The following PPARD variants were observed in gnomAD, a reference collection of about 807,000 sequenced individuals.
PPARD encodes the protein peroxisome proliferator-activated receptor delta.
In PPARD, 6 loss-of-function variants were observed where a neutral mutation model predicts 39.5. That is an observed-to-expected ratio of 0.15 (90% CI 0.08 to 0.30). The LOEUF (loss-of-function observed/expected upper bound fraction) is 0.30. PPARD is among the 10% of genes least tolerant of loss of function. The pLI is 1.00. For missense variants in PPARD, 397 were observed against 596.8 expected, an observed-to-expected ratio of 0.67 and a Z score of 3.49; for synonymous variants, 210 against 231.3, an observed-to-expected ratio of 0.91 and a Z score of 0.83.
chr6:35,412,448 A>G lies in PPARD; in HGVS notation c.130+1231A>G, dbSNP rs1457866917. 6.6e-6 allele frequency among the ~76,000 whole-genome samples: 1 copy of G among 152,210 alleles called. No individual in the cohort carries two copies. Among genetic ancestry groups the G allele is most frequent in the Non-Finnish European group, 1.5e-5 (1 of 68,026 alleles). On this transcript the variant is annotated intron_variant, in intron 3 of 7. Transcript: ENST00000360694. The surrounding 1 kb of genome is among the most constrained non-coding windows in gnomAD (Gnocchi z 4.1). ...AGGCAGAGGAGCAAGCCCACCCCGC[A>G]GAAATGGGCTCTGGACCCCTGTGAC...
chr6:35,357,538 C>CTT (rs752463569), intron 2 of PPARD, among the ~76,000 whole-genome samples: 7 of 140,470 alleles, frequency 5.0e-5, no homozygotes, highest in Non-Finnish European at 7.8e-5. Context: ...CCACTGCCTA[C>CTT]TTTTTTTTTT....
chr6:35,385,657 A>AC (rs1248991653), intron 2 of PPARD, among the ~76,000 whole-genome samples: 16 of 138,182 alleles, frequency 1.2e-4, no homozygotes, highest in African/African-American at 1.6e-4. Flanking sequence ...AAAAAAAAAA[A>AC]AAAAAAAAAA....
intron 5 of PPARD, among the ~76,000 whole-genome samples, chr6:35,422,605 G>T (rs1766251884): frequency 1.3e-5 from 2 of 152,142 alleles, no homozygotes; most frequent in Admixed American, 6.5e-5. Context: ...ATCTCTACAG[G>T]CAGGTTAGCT....
rs199525679 is a variant in PPARD, at chr6:35,420,084, G to A, written c.131-43G>A. Reference sequence around the variant, plus strand: ...GCTGTTCCCACGCCCTGGCTTCCAGGCCTGGCAGCATGTGGAGCTGCCCCT... The same window carrying A: ...GCTGTTCCCACGCCCTGGCTTCCAGACCTGGCAGCATGTGGAGCTGCCCCT... On this transcript the variant is annotated intron_variant, in intron 3 of 7. Transcript: ENST00000360694. 1.3e-4 allele frequency: 209 copies of A among 1,597,486 alleles called. 4 individuals are homozygous for A. In the South Asian group the frequency reaches 2.2e-3, roughly 17 times the overall value.
At chr6:35,392,212 TCTC>T (rs1198523678) in intron 2 of PPARD, among the ~76,000 whole-genome samples, 2 of 149,632 alleles carry the variant, frequency 1.3e-5, no homozygotes, top group Non-Finnish European at 3.0e-5. Flanking sequence ...CACCAGCAGC[TCTC>T]CTCTGTAACG....
chr6:35,411,993 G>A (rs9296151), intron 3 of PPARD, among the ~76,000 whole-genome samples: 12,954 of 152,154 alleles, frequency 0.085, 928 homozygotes, highest in African/African-American at 0.19. Context: ...CAGTGGCACA[G>A]TCTCAGCTCA....
In PPARD at chr6:35,365,130, C is replaced by CTTTTTTTTTTTTT. The variant is rs551946022; in HGVS notation, c.-102+17988_-102+18000dup. Among the ~76,000 whole-genome samples, 17 of 121,076 alleles carry CTTTTTTTTTTTTT rather than the reference C, an allele frequency of 1.4e-4. 1 individual carries two copies. The highest frequency in any genetic ancestry group is 5.3e-4 in the South Asian group (2 of 3,748). 79.4% of individuals were successfully genotyped at this position (121,076 alleles called of 152,430 possible). Reference sequence around the variant, plus strand: ...ACCAGACATGTAGAGCTTCCTTATTCTTTTTTTTTTTTTTTTTTTTGAGAT... The same window carrying CTTTTTTTTTTTTT: ...ACCAGACATGTAGAGCTTCCTTATTCTTTTTTTTTTTTTTTTTTTTTTTTTTTTTTTTTGAGAT... On this transcript the variant is annotated intron_variant, in intron 2 of 7. Transcript: ENST00000360694.
At chr6:35,369,018 A>C (rs922824917) in intron 2 of PPARD, among the ~76,000 whole-genome samples, 4 of 152,234 alleles carry the variant, frequency 2.6e-5, no homozygotes, top group African/African-American at 9.6e-5. Context: ...GGACCTTTCT[A>C]GTCTTGTGCC....
chr6:35,344,510 C>G (rs1207713556), intron 1 of PPARD, among the ~76,000 whole-genome samples: 1 of 151,986 alleles, frequency 6.6e-6, no homozygotes, highest in Non-Finnish European at 1.5e-5. Flanking sequence ...TCAGTTTGAG[C>G]TCCTTTATTT....
intron 2 of PPARD, among the ~76,000 whole-genome samples, chr6:35,386,689 TA>T (rs1374371434): frequency 6.6e-6 from 1 of 152,080 alleles, no homozygotes; most frequent in Admixed American, 6.5e-5. Context: ...AGTTTGTTGA[TA>T]ACCCTGAAGA....
intron 3 of PPARD, among the ~76,000 whole-genome samples, chr6:35,413,843 C>A (rs192310640): frequency 5.3e-4 from 81 of 152,156 alleles, no homozygotes; most frequent in African/African-American, 1.9e-3. Context: ...ACCACCGTGC[C>A]TGGCTAATTT....
rs9296152 is a variant in PPARD, at chr6:35,412,196, G to T, written c.130+979G>T. Among the ~76,000 whole-genome samples the T allele has an allele frequency of 0.072, 10,966 of 152,174 alleles. 800 individuals are homozygous for T. Among genetic ancestry groups the T allele is most frequent in the African/African-American group, 0.18 (7,415 of 41,474 alleles). ...TCCACCCACCTCAGCCTCCCAAAGT[G>T]CTGGGATTACAAGCAGGAGCCACCG... On this transcript the variant is annotated intron_variant, in intron 3 of 7. Coordinates refer to ENST00000360694, the MANE Select transcript of PPARD (RefSeq NM_006238.5). This position sits in a 1 kb window ranked among gnomAD's most constrained non-coding sequence, Gnocchi z 4.1.
intron 3 of PPARD, among the ~76,000 whole-genome samples, chr6:35,417,854 AGCTATTT>A (rs1581664532): frequency 6.6e-6 from 1 of 152,188 alleles, no homozygotes; most frequent in East Asian, 1.9e-4. Flanking sequence ...TTCTTACCTC[AGCTATTT>A]GAGGATAGAG....
intron 3 of PPARD, among the ~76,000 whole-genome samples, chr6:35,419,339 G>A (rs1195364057): frequency 6.6e-6 from 1 of 152,136 alleles, no homozygotes; most frequent in Non-Finnish European, 1.5e-5. Context: ...TGTCCAAAGG[G>A]CACTGGGAAG....
intron 2 of PPARD, among the ~76,000 whole-genome samples, chr6:35,383,442 C>G (rs1332623135): frequency 1.3e-5 from 2 of 152,106 alleles, no homozygotes; most frequent in African/African-American, 4.8e-5. Flanking sequence ...AGCCTCTGCC[C>G]GGCCGCCACC....
intron 2 of PPARD, among the ~76,000 whole-genome samples, chr6:35,387,008 T>C (rs1763707649): frequency 6.6e-6 from 1 of 151,272 alleles, no homozygotes; most frequent in African/African-American, 2.4e-5. Flanking sequence ...CTGACAAATA[T>C]ATAAACTGGA....
intron 4 of PPARD, 52 bp downstream of exon 4, chr6:35,420,333 G>A: frequency 6.6e-7 from 1 of 1,509,686 alleles, no homozygotes; most frequent in Non-Finnish European, 8.9e-7. Flanking sequence ...GTCACATGGT[G>A]AATTGACCCT....
chr6:35,384,855 T>G (rs1212031122), intron 2 of PPARD, among the ~76,000 whole-genome samples: 1 of 59,232 alleles, frequency 1.7e-5, no homozygotes, highest in African/African-American at 9.2e-5. Context: ...GCCCCCCGCC[T>G]GGCCAGCCGC....
At chr6:35,416,929 G>A (rs1396307883) in intron 3 of PPARD, among the ~76,000 whole-genome samples, 2 of 151,914 alleles carry the variant, frequency 1.3e-5, no homozygotes, top group Non-Finnish European at 2.9e-5. Flanking sequence ...GTGAGTTACA[G>A]TAGGTTAAGT....
Sources: allele counts gnomAD v4.1 joint callset (sites outside exome capture counted in the v4.1 genomes callset), GRCh38; gene constraint gnomAD v4.1.1; non-coding constraint Gnocchi (gnomAD v3.1); transcripts MANE v1.5; gene names NCBI Gene and HGNC (gene_info 2026-07-23, HGNC 2026-07-21).